The following ABLIM1 variants were observed in gnomAD, a reference collection of about 807,000 sequenced individuals.
The protein encoded by ABLIM1 is actin-binding LIM protein 1.
A neutral mutation model predicts 107.0 loss-of-function variants in ABLIM1; 40 were observed. The ratio of observed to expected loss-of-function variants is 0.37; its 90% CI spans 0.29 to 0.49. ABLIM1 has a LOEUF of 0.49. Among genes scored for constraint, ABLIM1 ranks in the 20% least tolerant of loss-of-function variants. ABLIM1 has a pLI of 0.97. For missense variants in ABLIM1, 857 were observed against 1,008.5 expected (o/e 0.85, Z 2.04); for synonymous variants, 357 against 357.3 (o/e 1.00, Z 0.01).
the ABLIM1 span, among the ~76,000 whole-genome samples, chr10:114,800,341 A>G: frequency 6.6e-6 from 1 of 152,172 alleles, no homozygotes. Context: ...CTCTTGTCCT[A>G]TATAACTTTT....
chr10:114,674,838 A>G (rs1365317765), intron 1 of ABLIM1, among the ~76,000 whole-genome samples: 2 of 152,094 alleles, frequency 1.3e-5, no homozygotes, highest in Non-Finnish European at 2.9e-5. Flanking sequence ...GACTAGAAAA[A>G]TATTTTCTTC....
intron 2 of ABLIM1, among the ~76,000 whole-genome samples, chr10:114,589,335 G>A (rs1165537947): frequency 6.6e-6 from 1 of 151,296 alleles, no homozygotes; most frequent in Admixed American, 6.6e-5. Context: ...TTTGAGACCA[G>A]CCTGGCCAGC....
intron 6 of ABLIM1, among the ~76,000 whole-genome samples, chr10:114,492,159 A>G (rs1436588415): frequency 6.6e-6 from 1 of 151,972 alleles, no homozygotes; most frequent in Non-Finnish European, 1.5e-5. Context: ...GATGGCTGCC[A>G]CTAACACACC....
At chr10:114,662,064 C>A (rs901866730), upstream of ABLIM1, among the ~76,000 whole-genome samples, 1 of 152,140 alleles carries the variant, frequency 6.6e-6, no homozygotes, top group South Asian at 2.1e-4. Flanking sequence ...AGTATCCCCT[C>A]CCTGCTTAAA....
intron 6 of ABLIM1, among the ~76,000 whole-genome samples, chr10:114,543,285 G>A (rs1591059605): frequency 6.6e-6 from 1 of 152,174 alleles, no homozygotes; most frequent in East Asian, 1.9e-4. Context: ...ACCCCAAAAG[G>A]AAATCCTGTA....
intron 8 of ABLIM1, among the ~76,000 whole-genome samples, chr10:114,484,784 C>T (rs1242360835): frequency 6.6e-6 from 1 of 152,226 alleles, no homozygotes; most frequent in African/African-American, 2.4e-5. Flanking sequence ...TTCTCCTCAT[C>T]CCCTCATGGG....
At chr10:114,571,683 A>G (rs952307333) in intron 3 of ABLIM1, among the ~76,000 whole-genome samples, 1 of 152,218 alleles carries the variant, frequency 6.6e-6, no homozygotes, top group Non-Finnish European at 1.5e-5. Context: ...GGGATATTCC[A>G]GCAAGTGATC....
intron 1 of ABLIM1, among the ~76,000 whole-genome samples, chr10:114,639,159 G>T (rs796769486): frequency 6.6e-6 from 1 of 152,090 alleles, no homozygotes; most frequent in Non-Finnish European, 1.5e-5. Flanking sequence ...ATCATCGGAG[G>T]AACTAGCCAA....
chr10:114,660,991 A>G (rs1228425220), upstream of ABLIM1, among the ~76,000 whole-genome samples: 2 of 152,144 alleles, frequency 1.3e-5, no homozygotes, highest in South Asian at 2.1e-4. Flanking sequence ...ACTCTACCTC[A>G]GTGCTTAGCC....
the ABLIM1 span, among the ~76,000 whole-genome samples, chr10:114,787,741 T>TGGGG: frequency 1.2e-3 from 155 of 125,568 alleles, no homozygotes; most frequent in Non-Finnish European, 1.6e-3. Flanking sequence ...AGCCGCCCCG[T>TGGGG]CCGGGAGGTG....
intron 2 of ABLIM1, among the ~76,000 whole-genome samples, chr10:114,600,350 G>A (rs570948180): frequency 3.3e-5 from 5 of 152,262 alleles, no homozygotes; most frequent in East Asian, 1.9e-4. Context: ...CATTTGTAAC[G>A]CTTGTCATGC....
chr10:114,538,370 T>C (rs889089985), intron 6 of ABLIM1, among the ~76,000 whole-genome samples: 12 of 152,170 alleles, frequency 7.9e-5, no homozygotes, highest in African/African-American at 2.9e-4. Context: ...CTGTCCACCC[T>C]TTCCAAGTTA....
At chr10:114,730,397 C>CAAAA (rs59713925) in intron 1 of ABLIM1, among the ~76,000 whole-genome samples, 11 of 73,098 alleles carry the variant, frequency 1.5e-4, no homozygotes, top group Non-Finnish European at 2.8e-4. Flanking sequence ...AACTCCATCT[C>CAAAA]AAAAAAAAAA....
At chr10:114,620,922 T>A (rs4752039) in intron 1 of ABLIM1, among the ~76,000 whole-genome samples, 1 of 151,896 alleles carries the variant, frequency 6.6e-6, no homozygotes, top group African/African-American at 2.4e-5. Flanking sequence ...CAGGCTCCAC[T>A]CAGGTCACCT....
At chr10:114,484,529 C>T (rs565243807) in intron 8 of ABLIM1, among the ~76,000 whole-genome samples, 12 of 152,178 alleles carry the variant, frequency 7.9e-5, no homozygotes, top group African/African-American at 2.6e-4. Context: ...ATTACAGGCG[C>T]CCACAACCAT....
chr10:114,711,677 C>T, intron 1 of ABLIM1, among the ~76,000 whole-genome samples: 1 of 152,146 alleles, frequency 6.6e-6, no homozygotes, highest in Non-Finnish European at 1.5e-5. Flanking sequence ...GTTGCTTACC[C>T]CTAGGCCTAA....
In ABLIM1 at chr10:114,690,614, GT is replaced by G. The variant is rs1189981297; in HGVS notation, c.-213+77446del. Reference sequence around the variant, plus strand: ...CCAAGGGCTCACCATTGATGGCAATGTTGAAGAACACCGTGGGATTGACTAT... The same window carrying G: ...CCAAGGGCTCACCATTGATGGCAATGTGAAGAACACCGTGGGATTGACTAT... On this transcript the variant is annotated intron_variant, in intron 1 of 15. Coordinates refer to the ABLIM1 transcript ENST00000651092. 4 of 792,690 alleles carry G rather than the reference GT, an allele frequency of 5.0e-6. No individual in the cohort carries two copies. The African/African-American group carries it at 6.8e-5, about 13-fold the overall frequency. 49.1% of individuals were successfully genotyped at this position (792,690 alleles called of 1,614,324 possible).
chr10:114,639,844 C>T (rs927316083), intron 1 of ABLIM1, among the ~76,000 whole-genome samples: 1 of 152,144 alleles, frequency 6.6e-6, no homozygotes, highest in African/African-American at 2.4e-5. Flanking sequence ...TCCTGCTGCC[C>T]GTGCACACAG....
At chr10:114,451,504 T>C (rs1025396079) in intron 14 of ABLIM1, 120 bp downstream of exon 14, 2 of 910,246 alleles carry the variant, frequency 2.2e-6, no homozygotes, top group Admixed American at 1.7e-5. Flanking sequence ...AGGCATAATA[T>C]GCTGGATGCC....
Sources: allele counts gnomAD v4.1 joint callset (sites outside exome capture counted in the v4.1 genomes callset), GRCh38; gene constraint gnomAD v4.1.1; transcripts MANE v1.5; gene names NCBI Gene and HGNC (gene_info 2026-07-23, HGNC 2026-07-21).